NTM: variants seen among roughly 807,000 people sequenced by gnomAD.
The protein encoded by NTM is IgLON family member 2.
In NTM, 13 loss-of-function variants were observed where a neutral mutation model predicts 42.1. The ratio of observed to expected loss-of-function variants is 0.31; its 90% CI spans 0.20 to 0.49. NTM has a LOEUF of 0.49. Among genes scored for constraint, NTM ranks in the 20% least tolerant of loss-of-function variants. The pLI, the probability that NTM is intolerant of heterozygous loss-of-function variation, is 0.99. For missense variants in NTM, 373 were observed against 452.8 expected (o/e 0.82, Z 1.60); for synonymous variants, 187 against 179.2 (o/e 1.04, Z -0.35).
intron 3 of NTM, among the ~76,000 whole-genome samples, chr11:132,190,510 G>A (rs1005954899): frequency 2.0e-5 from 3 of 152,044 alleles, no homozygotes; most frequent in African/African-American, 7.2e-5. Flanking sequence ...GGCCGAGGCA[G>A]GTGGATTGTG....
intron 1 of NTM, among the ~76,000 whole-genome samples, chr11:131,487,187 C>G (rs1263516289): frequency 6.6e-6 from 1 of 152,198 alleles, no homozygotes; most frequent in Admixed American, 6.5e-5. Context: ...TGGTCAGTCT[C>G]TTCTCCATTC....
At chr11:132,235,885 A>G (rs1217018689) in intron 4 of NTM, among the ~76,000 whole-genome samples, 1 of 152,192 alleles carries the variant, frequency 6.6e-6, no homozygotes, top group Non-Finnish European at 1.5e-5. Flanking sequence ...CCCAGGAAGT[A>G]GTCAGTGATC....
chr11:132,080,263 A>G (rs1031996251), intron 2 of NTM, among the ~76,000 whole-genome samples: 2 of 152,148 alleles, frequency 1.3e-5, no homozygotes, highest in Admixed American at 6.5e-5. Context: ...CCTGTGTAGG[A>G]CATCTTTTAA....
At chr11:131,908,313 C>T (rs1052787866) in intron 1 of NTM, among the ~76,000 whole-genome samples, 2 of 152,230 alleles carry the variant, frequency 1.3e-5, no homozygotes, top group Non-Finnish European at 2.9e-5. Context: ...CATCTTCCAT[C>T]TTAAATGGAT....
At chr11:131,765,020 C>T (rs943700426) in intron 1 of NTM, among the ~76,000 whole-genome samples, 3 of 152,136 alleles carry the variant, frequency 2.0e-5, no homozygotes, top group African/African-American at 4.8e-5. Flanking sequence ...AAAGTTCTTG[C>T]CGCTCACTGG....
intron 3 of NTM, among the ~76,000 whole-genome samples, chr11:132,147,208 T>C (rs61905962): frequency 7.9e-6 from 1 of 127,104 alleles, no homozygotes; most frequent in Non-Finnish European, 1.8e-5. Flanking sequence ...TGTGTGTGTG[T>C]GTGTGTGAGA....
chr11:131,432,636 A>G (rs1035500578), intron 1 of NTM, among the ~76,000 whole-genome samples: 2 of 152,104 alleles, frequency 1.3e-5, no homozygotes, highest in Non-Finnish European at 2.9e-5. Context: ...ATAATTAAAT[A>G]TCAATAGTAC....
chr11:131,579,289 G>A (rs2058191204), intron 1 of NTM, among the ~76,000 whole-genome samples: 1 of 151,898 alleles, frequency 6.6e-6, no homozygotes. Context: ...ACAAAACAAA[G>A]CAAAACAAAA....
intron 1 of NTM, among the ~76,000 whole-genome samples, chr11:131,861,739 G>GA (rs992411321): frequency 5.0e-4 from 74 of 148,736 alleles, no homozygotes; most frequent in Non-Finnish European, 7.3e-4. Flanking sequence ...AATGCAAAAA[G>GA]AAAAAAAAAG....
intron 1 of NTM, among the ~76,000 whole-genome samples, chr11:131,777,914 A>C (rs1198660473): frequency 6.6e-6 from 1 of 152,198 alleles, no homozygotes; most frequent in African/African-American, 2.4e-5. Context: ...GTTTGACCCA[A>C]TTATGCTTGC....
At chr11:131,845,210 C>T (rs1354179895) in intron 1 of NTM, among the ~76,000 whole-genome samples, 1 of 152,110 alleles carries the variant, frequency 6.6e-6, no homozygotes, top group South Asian at 2.1e-4. Context: ...AAATAAAAAA[C>T]AGTGATTTTT....
intron 1 of NTM, among the ~76,000 whole-genome samples, chr11:131,816,745 A>G (rs1032317455): frequency 6.6e-6 from 1 of 152,008 alleles, no homozygotes; most frequent in Non-Finnish European, 1.5e-5. Context: ...CTTTCCTAGG[A>G]GCCCTATTCA....
intron 8 of NTM, among the ~76,000 whole-genome samples, chr11:132,332,950 C>T (rs188858509): frequency 2.6e-5 from 4 of 152,070 alleles, no homozygotes; most frequent in East Asian, 3.9e-4. Flanking sequence ...AGGGAGGGAG[C>T]GGGAGACGGG....
chr11:131,511,130 A>G (rs747631247), intron 1 of NTM, among the ~76,000 whole-genome samples: 10 of 152,214 alleles, frequency 6.6e-5, no homozygotes, highest in Non-Finnish European at 1.2e-4. Context: ...GCTCCAGGCC[A>G]CGTGATGAGT....
At chr11:131,688,191 C>T (rs536448869) in intron 1 of NTM, among the ~76,000 whole-genome samples, 73 of 152,266 alleles carry the variant, frequency 4.8e-4, no homozygotes, top group Middle Eastern at 3.4e-3. Flanking sequence ...GCCCCCCGAG[C>T]CGCGAGGCTG....
intron 1 of NTM, chr11:131,536,375 T>G (rs1455046202): frequency 6.6e-6 from 1 of 152,224 alleles, no homozygotes; most frequent in Non-Finnish European, 1.5e-5. Flanking sequence ...TTACATTTAC[T>G]CAGCATCACC....
Position 131,752,082 on chromosome 11 carries a change from T to C in NTM, c.83-159482T>C, listed in dbSNP as rs78661644. 4.8e-3 allele frequency among the ~76,000 whole-genome samples: 729 copies of C among 152,284 alleles called. 24 individuals carry two copies. In the East Asian group the frequency reaches 0.085, roughly 18 times the overall value. The stretch of plus-strand genomic sequence containing the variant: ...AGATACCATTGCACACCTATGATAA[T>C]GGCTAGAAGTTGAAAGATTGATGGT... On this transcript the variant is annotated intron_variant, in intron 1 of 8. Transcript: ENST00000683400.
intron 3 of NTM, among the ~76,000 whole-genome samples, chr11:132,198,216 T>C (rs1015993850): frequency 6.6e-6 from 1 of 152,218 alleles, no homozygotes; most frequent in Non-Finnish European, 1.5e-5. Context: ...TATTACTTAT[T>C]TATTTGAGAG....
intron 1 of NTM, among the ~76,000 whole-genome samples, chr11:131,723,782 G>T (rs899388958): frequency 6.6e-6 from 1 of 152,170 alleles, no homozygotes; most frequent in African/African-American, 2.4e-5. Flanking sequence ...AAAGAAGTGT[G>T]CATGTGCGTG....
Sources: allele counts gnomAD v4.1 joint callset (sites outside exome capture counted in the v4.1 genomes callset), GRCh38; gene constraint gnomAD v4.1.1; transcripts MANE v1.5; gene names NCBI Gene and HGNC (gene_info 2026-07-23, HGNC 2026-07-21).